EDA: variants seen among roughly 807,000 people sequenced by gnomAD.
The protein encoded by EDA is ectodysplasin-A.
Under a neutral mutation model 23.6 loss-of-function variants are expected in EDA, and 2 were observed. The observed-to-expected ratio is 0.08, with a 90% CI of 0.03 to 0.27. The LOEUF is 0.27. Ranked by LOEUF, EDA falls within the 10% of genes least tolerant of loss-of-function variation. The probability of loss-of-function intolerance (pLI) is 1.00; values close to 1 mark genes in which losing one functional copy is unlikely to be tolerated. For missense variants in EDA, 229 were observed against 324.2 expected, an observed-to-expected ratio of 0.71 and a Z score of 2.26; for synonymous variants, 131 against 132.0, an observed-to-expected ratio of 0.99 and a Z score of 0.05.
chrX:69,967,033 C>T (rs1374645694), intron 2 of EDA, among the ~76,000 whole-genome samples: 1 of 109,085 alleles, frequency 9.2e-6, no homozygotes, highest in Non-Finnish European at 1.9e-5. Flanking sequence ...CAGTGAATAT[C>T]GATTACCTTG....
At chrX:69,982,555 G>A (rs1452028521) in intron 2 of EDA, among the ~76,000 whole-genome samples, 1 of 111,611 alleles carries the variant, frequency 9.0e-6, no homozygotes, top group Non-Finnish European at 1.9e-5. Flanking sequence ...TATTGCTACT[G>A]TCAGAAATCC....
At chrX:69,928,673 A>C (rs1328581312) in intron 1 of EDA, among the ~76,000 whole-genome samples, 1 of 112,187 alleles carries the variant, frequency 8.9e-6, no homozygotes, top group Non-Finnish European at 1.9e-5. Flanking sequence ...ATGCAAACTA[A>C]AAAAAGTAAA....
intron 1 of EDA, among the ~76,000 whole-genome samples, chrX:69,628,456 A>G (rs774068488): frequency 2.9e-4 from 32 of 111,460 alleles, no homozygotes; most frequent in African/African-American, 9.8e-4. Flanking sequence ...TAATGCTAGT[A>G]GGGGGATTGT....
At position 69,820,678 on chromosome X, in the gene EDA, C is replaced by A. The variant is rs747319222; in HGVS notation, c.397-136349C>A. On this transcript the variant is annotated intron_variant, in intron 1 of 7. Coordinates refer to ENST00000374552, the MANE Select transcript of EDA (RefSeq NM_001399.5). ...TCATTAGAGAAATGCAAATCAAAAC[C>A]ACAATGAGATATCATCTCATGCCAG... is the stretch of plus-strand genomic sequence containing the variant. 3.6e-5 allele frequency among the ~76,000 whole-genome samples: 4 copies of A among 112,040 alleles called. No homozygotes were observed. The Admixed American group carries it at 3.8e-4, about 11-fold the overall frequency.
intron 1 of EDA, among the ~76,000 whole-genome samples, chrX:69,676,540 A>G (rs781176776): frequency 7.4e-4 from 79 of 106,544 alleles, no homozygotes; most frequent in African/African-American, 2.6e-3. Context: ...GTGTGTGTGT[A>G]ATCTCTAATT....
intron 1 of EDA, among the ~76,000 whole-genome samples, chrX:69,642,234 TTTA>T (rs1317338367): frequency 9.0e-6 from 1 of 111,486 alleles, no homozygotes; most frequent in Admixed American, 9.5e-5. Flanking sequence ...GATTACTGCT[TTTA>T]TTATTTATCA....
chrX:69,863,673 G>A (rs1460867754), intron 1 of EDA, among the ~76,000 whole-genome samples: 3 of 74,940 alleles, frequency 4.0e-5, no homozygotes, highest in Admixed American at 1.4e-4. Context: ...ATATGTATAT[G>A]TATGTATGTG....
chrX:69,828,752 A>C (rs1400924622), intron 1 of EDA, among the ~76,000 whole-genome samples: 5 of 112,479 alleles, frequency 4.4e-5, no homozygotes. Flanking sequence ...AAAGATAGGA[A>C]ACACATTGAA....
intron 1 of EDA, among the ~76,000 whole-genome samples, chrX:69,776,660 G>A (rs1364570687): frequency 2.7e-5 from 3 of 111,141 alleles, no homozygotes; most frequent in Non-Finnish European, 5.7e-5. Flanking sequence ...AAGAAGAGGG[G>A]AGCTGTGGCC....
Position 70,035,437 on chromosome X carries a change from G to T in EDA, c.1004G>T (p.Ser335Ile). Residue 335 changes from serine (S) to isoleucine (I), a missense_variant, in exon 8 of 8, where the codon AGC becomes ATC. Ser to Ile is a moderately radical substitution (Grantham distance 142, BLOSUM62 -2). Around this residue, in one of 2 missense-constraint regions of EDA, gnomAD observed 175 missense variants for 281.8 expected, o/e 0.62. Transcript: ENST00000374552. ...DEKPFLQCTR[S>I]IETGKTNYNT... The stretch of plus-strand genomic sequence containing the variant: ...AAGCCCTTCCTGCAGTGCACACGCA[G>T]CATCGAGACGGGCAAGACCAACTAC... 8.3e-7 allele frequency: 1 copy of T among 1,210,433 alleles called. No individual in the cohort carries two copies. The highest frequency in any genetic ancestry group is 1.1e-6 in the Non-Finnish European group (1 of 895,106).
intron 2 of EDA, among the ~76,000 whole-genome samples, chrX:69,977,992 C>T (rs915344248): frequency 3.6e-5 from 4 of 110,410 alleles, no homozygotes; most frequent in Non-Finnish European, 7.6e-5. Flanking sequence ...GATGTCCTTA[C>T]GTTTGCAGTT....
intron 1 of EDA, among the ~76,000 whole-genome samples, chrX:69,675,989 T>A (rs1934066261): frequency 9.0e-6 from 1 of 110,618 alleles, no homozygotes; most frequent in South Asian, 3.9e-4. Context: ...AAGTAGCAAA[T>A]GTAAAGGCCC....
intron 3 of EDA, among the ~76,000 whole-genome samples, chrX:70,023,870 T>C (rs1254561837): frequency 1.8e-5 from 2 of 112,066 alleles, no homozygotes; most frequent in African/African-American, 3.2e-5. Flanking sequence ...AGTAGTACCC[T>C]GACCATTTAG....
At chrX:69,997,287 A>G (rs1240709524) in intron 2 of EDA, among the ~76,000 whole-genome samples, 1 of 111,840 alleles carries the variant, frequency 8.9e-6, no homozygotes. Context: ...CTTGTTGAGA[A>G]CTGGAGCAAA....
At chrX:69,629,016 C>T (rs750659912) in intron 1 of EDA, among the ~76,000 whole-genome samples, 3 of 111,496 alleles carry the variant, frequency 2.7e-5, no homozygotes, top group African/African-American at 9.8e-5. Context: ...TATTTTTCTT[C>T]CAGAGTTATT....
intron 1 of EDA, among the ~76,000 whole-genome samples, chrX:69,940,248 A>G (rs1428615957): frequency 9.0e-6 from 1 of 111,465 alleles, no homozygotes; most frequent in African/African-American, 3.2e-5. Context: ...ATGTTTTATT[A>G]CAACTTCAAT....
intron 1 of EDA, among the ~76,000 whole-genome samples, chrX:69,712,505 A>T (rs890050306): frequency 4.5e-5 from 5 of 111,523 alleles, no homozygotes; most frequent in Non-Finnish European, 9.4e-5. Flanking sequence ...TCAAAACCAC[A>T]ATGAGATACC....
At chrX:69,896,398 A>AGTGTGTGTGTGTGT (rs373119823) in intron 1 of EDA, among the ~76,000 whole-genome samples, 5 of 97,319 alleles carry the variant, frequency 5.1e-5, no homozygotes, top group African/African-American at 1.9e-4. Flanking sequence ...TATGTGCATC[A>AGTGTGTGTGTGTGT]GTGTGTGTGT....
At chrX:69,872,108 A>G (rs1183454894) in intron 1 of EDA, among the ~76,000 whole-genome samples, 1 of 112,078 alleles carries the variant, frequency 8.9e-6, no homozygotes, top group Non-Finnish European at 1.9e-5. Flanking sequence ...CTCCTTAAAC[A>G]AAACAATTAT....
Sources: gnomAD v4.1 joint callset for allele counts (sites outside exome capture counted in the v4.1 genomes callset) on GRCh38, gnomAD v4.1.1 for gene constraint, gnomAD v4.1.1 regional missense constraint, MANE v1.5 for transcripts, NCBI Gene and HGNC (gene_info 2026-07-23, HGNC 2026-07-21) for gene names.